The following PDCD2 variants were observed in gnomAD, a reference collection of about 807,000 sequenced individuals.
PDCD2 encodes programmed cell death 2, also known as uS5 assembly chaperone PDCD2.
Under a neutral mutation model 38.1 loss-of-function variants are expected in PDCD2, and 38 were observed. The observed-to-expected ratio is 1.00, with a 90% CI of 0.77 to 1.31. PDCD2 has a LOEUF of 1.31. Among genes scored for constraint, PDCD2 ranks in the 50% most tolerant of loss-of-function variants. The pLI is 0.00. For synonymous variants in PDCD2, 205 were observed against 168.9 expected (o/e 1.21, Z -1.66); for missense variants, 473 against 435.7 (o/e 1.09, Z -0.76).
chr6:170,578,501 CTT>C, intron 5 of PDCD2: 1 of 647,710 alleles, frequency 1.5e-6, no homozygotes, highest in East Asian at 2.7e-5. Flanking sequence ...TAGTCAAAGA[CTT>C]TAATTACTAG....
At chr6:170,579,844 CA>C (rs1203852650) in intron 4 of PDCD2, 157 bp downstream of exon 4, 1 of 576,126 alleles carries the variant, frequency 1.7e-6, no homozygotes, top group Admixed American at 3.0e-5. Context: ...CTACATGGCC[CA>C]TCTGTGTGAG....
intron 4 of PDCD2, 74 bp from the exon 5 acceptor site, chr6:170,579,044 C>A (rs1420346268): frequency 9.2e-6 from 8 of 874,044 alleles, no homozygotes; most frequent in South Asian, 1.6e-5. Context: ...ATGCTATCTA[C>A]TCCATGAATG....
intron 4 of PDCD2, chr6:170,579,243 C>T (rs1779528146): frequency 5.1e-6 from 2 of 392,818 alleles, no homozygotes; most frequent in Admixed American, 8.9e-5. Flanking sequence ...GCAACTTAAT[C>T]CTATGAATAT....
At position 170,577,582 on chromosome 6, in the gene PDCD2, G is replaced by A. The variant is rs1452965779; in HGVS notation, c.1012C>T (p.Gln338Ter). 6.2e-7 allele frequency: 1 copy of A among 1,614,064 alleles called. No individual in the cohort carries two copies. The highest frequency in any genetic ancestry group is 8.5e-7 in the Non-Finnish European group (1 of 1,179,988). The change falls in exon 6 of 6, where the codon CAG becomes TAG. Residue 338 changes from glutamine to a stop codon, truncating the protein, a stop_gained. Coordinates refer to ENST00000541970, the MANE Select transcript of PDCD2 (RefSeq NM_002598.4). LOFTEE classifies it high-confidence loss of function. ...TGYTEEFVWK[Q>*]DVTDTP ...CTTTACGGTGTATCTGTTACATCCT[G>A]CTTCCACACAAATTCTTCTGTATAG... is the stretch of plus-strand genomic sequence containing the variant.
chr6:170,576,925 G>C lies in PDCD2; in HGVS notation c.*634C>G, dbSNP rs982550829. ...TCATCCTGCCAACTGTGATACTGCT[G>C]CTTCAGAATTACTGGGTTTCCTGTT... On this transcript the variant is annotated 3_prime_UTR_variant, in exon 6 of 6. Transcript: ENST00000541970. 6.6e-6 allele frequency: 1 copy of C among 152,272 alleles called. No individual in the cohort carries two copies. The highest frequency in any genetic ancestry group is 2.4e-5 in the African/African-American group (1 of 41,448). 9.4% of individuals were successfully genotyped at this position (152,272 alleles called of 1,614,324 possible).
chr6:170,580,761 A>G (rs1384819520), intron 3 of PDCD2, among the ~76,000 whole-genome samples: 1 of 152,176 alleles, frequency 6.6e-6, no homozygotes, highest in Non-Finnish European at 1.5e-5. Context: ...TCCTGGGATT[A>G]CAGCCACCCT....
At chr6:170,584,045 A>G (rs1779721337) in intron 1 of PDCD2, 1 of 541,482 alleles carries the variant, frequency 1.8e-6, no homozygotes, top group East Asian at 3.2e-5. Context: ...TATCTGAATT[A>G]ACACCATACC....
chr6:170,582,200 A>G lies in PDCD2; in HGVS notation c.658+857T>C, dbSNP rs186453867. On this transcript the variant is annotated intron_variant, in intron 3 of 5. Transcript: ENST00000541970. ...TATATGGACTTTAACTTCCCCAGATATTATTTGGGCTCCTCCATAAGACTG... is the reference window on the plus strand; with the variant it reads ...TATATGGACTTTAACTTCCCCAGATGTTATTTGGGCTCCTCCATAAGACTG... 341 of 1,474,044 alleles carry G rather than the reference A, an allele frequency of 2.3e-4. 1 individual carries two copies. In the African/African-American group the frequency reaches 3.6e-3, roughly 16 times the overall value. 91.3% of individuals were successfully genotyped at this position (1,474,044 alleles called of 1,614,324 possible).
intron 3 of PDCD2, chr6:170,582,827 G>A: frequency 7.5e-7 from 1 of 1,338,416 alleles, no homozygotes; most frequent in Non-Finnish European, 9.5e-7. Flanking sequence ...CCTACTCATG[G>A]GACCATCTGG....
At chr6:170,581,477 T>C (rs574352792) in intron 3 of PDCD2, 1 of 152,370 alleles carries the variant, frequency 6.6e-6, no homozygotes, top group East Asian at 1.9e-4. Context: ...TTCATGTTGC[T>C]TGAGTTCTGA....
chr6:170,576,534 GGAATTGTCAACTGT>G lies in PDCD2; in HGVS notation c.*1011_*1024del. 6.6e-6 allele frequency: 1 copy of G among 152,364 alleles called. No homozygotes were observed. The allele number at this position is 152,364 out of a possible 1,614,324, so 9.4% of individuals were successfully genotyped here. Reference sequence around the variant, plus strand: ...GGCATCACTGGTGCTGAGAGAACTGGGAATTGTCAACTGTGAGCTGCTAGGGGATGGAAGAAACC... The same window carrying G: ...GGCATCACTGGTGCTGAGAGAACTGGGAGCTGCTAGGGGATGGAAGAAACC... On this transcript the variant is annotated 3_prime_UTR_variant, in exon 6 of 6. Transcript: ENST00000541970.
Position 170,576,426 on chromosome 6 carries a change from A to G in PDCD2, c.*1133T>C, listed in dbSNP as rs1391118485. ...TAGGGGACAATGTGAGCCAATGTAG[A>G]TTAAGGAAATAAGCCTGAGAAATTT... On this transcript the variant is annotated 3_prime_UTR_variant, in exon 6 of 6. Transcript: ENST00000541970. 6.6e-6 allele frequency: 1 copy of G among 152,220 alleles called. No individual in the cohort carries two copies. Among genetic ancestry groups the G allele is most frequent in the Non-Finnish European group, 1.5e-5 (1 of 68,048 alleles). The allele number at this position is 152,220 out of a possible 1,614,324, so 9.4% of individuals were successfully genotyped here. A position where few individuals can be genotyped will look rare whatever the true frequency, so the allele number is the denominator to read the frequency against.
Position 170,577,525 on chromosome 6 carries a change from G to T in PDCD2, c.*34C>A. 2 of 1,574,328 alleles carry T rather than the reference G, an allele frequency of 1.3e-6. No homozygotes were observed. The highest frequency in any genetic ancestry group is 1.7e-6 in the Non-Finnish European group (2 of 1,146,486). ...AGAAATGGAATTGCAAGGTATAAAA[G>T]ATTATTAACATTTTTCAAGGCTTTA... On this transcript the variant is annotated 3_prime_UTR_variant, in exon 6 of 6. Transcript: ENST00000541970.
intron 4 of PDCD2, 127 bp from the exon 5 acceptor site, chr6:170,579,097 G>A: frequency 1.6e-6 from 1 of 609,400 alleles, no homozygotes. Flanking sequence ...GCATGTCACA[G>A]TTCCCCCATC....
chr6:170,577,594 ATTC>A lies in PDCD2; in HGVS notation c.997_999del (p.Glu333del). 3 of 1,614,116 alleles carry A rather than the reference ATTC, an allele frequency of 1.9e-6. No individual in the cohort carries two copies. The highest frequency in any genetic ancestry group is 2.5e-6 in the Non-Finnish European group (3 of 1,180,016). Reference sequence around the variant, plus strand: ...TCTGTTACATCCTGCTTCCACACAAATTCTTCTGTATAGCCAGTACCCAAGCTG... The same window carrying A: ...TCTGTTACATCCTGCTTCCACACAAATTCTGTATAGCCAGTACCCAAGCTG... On this transcript the variant is annotated inframe_deletion, in exon 6 of 6. Coordinates refer to ENST00000541970, the MANE Select transcript of PDCD2 (RefSeq NM_002598.4).
At chr6:170,583,220 C>A in intron 2 of PDCD2, 32 bp from the exon 3 acceptor site, 1 of 1,434,636 alleles carries the variant, frequency 7.0e-7, no homozygotes. Context: ...TATTAGTAAT[C>A]ATTTAGTTTT....
intron 1 of PDCD2, 86 bp downstream of exon 1, chr6:170,584,213 G>A (rs1779728192): frequency 1.6e-6 from 2 of 1,271,950 alleles, no homozygotes; most frequent in Non-Finnish European, 2.0e-6. Flanking sequence ...AGCGGTGCTT[G>A]CCGCCGTCCC....
At position 170,578,631 on chromosome 6, in the gene PDCD2, G is replaced by C. The variant is rs182216998; in HGVS notation, c.876+226C>G. 2.1e-4 allele frequency: 148 copies of C among 701,390 alleles called. No individual in the cohort carries two copies. The African/African-American group carries it at 2.3e-3, about 11-fold the overall frequency. The allele number at this position is 701,390 out of a possible 1,614,324, so 43.4% of individuals were successfully genotyped here. A position where few individuals can be genotyped will look rare whatever the true frequency, so the allele number is the denominator to read the frequency against. ...TGTAGATATCCTCATTGTCACAGAA[G>C]TCAGTCAATAGACCGTGTCTGAAAA... On this transcript the variant is annotated intron_variant, in intron 5 of 5. Coordinates refer to ENST00000541970, the MANE Select transcript of PDCD2 (RefSeq NM_002598.4).
intron 5 of PDCD2, among the ~76,000 whole-genome samples, chr6:170,578,100 A>G (rs1188691694): frequency 6.6e-6 from 1 of 152,230 alleles, no homozygotes. Context: ...ACATCTATCA[A>G]TGTAGTTATA....
Sources: gnomAD v4.1 joint callset for allele counts (sites outside exome capture counted in the v4.1 genomes callset) on GRCh38, gnomAD v4.1.1 for gene constraint, MANE v1.5 for transcripts, NCBI Gene and HGNC (gene_info 2026-07-23, HGNC 2026-07-21) for gene names.